DNAJC7: variants seen among roughly 807,000 people sequenced by gnomAD.
DNAJC7 encodes the protein DnaJ heat shock protein family (Hsp40) member C7.
A neutral mutation model predicts 67.4 loss-of-function variants in DNAJC7; 18 were observed. That is an observed-to-expected ratio of 0.27 (90% confidence interval 0.18 to 0.40). The LOEUF is 0.40. DNAJC7 is among the 10% of genes least tolerant of loss of function. The pLI is 1.00. For synonymous variants in DNAJC7, 220 were observed against 207.8 expected (o/e 1.06, Z -0.50); for missense variants, 419 against 613.8 (o/e 0.68, Z 3.35).
At chr17:41,983,332 C>T (rs2051298626) in intron 10 of DNAJC7, among the ~76,000 whole-genome samples, 2 of 152,086 alleles carry the variant, frequency 1.3e-5, no homozygotes, top group African/African-American at 4.8e-5. Flanking sequence ...CCATGTTGGC[C>T]AGTCTGGTCT....
intron 1 of DNAJC7, among the ~76,000 whole-genome samples, chr17:42,002,554 T>C (rs1283881847): frequency 6.6e-6 from 1 of 152,200 alleles, no homozygotes; most frequent in African/African-American, 2.4e-5. Flanking sequence ...GTACTTTCCA[T>C]ACAGTATCCT....
intron 9 of DNAJC7, chr17:41,984,571 T>C (rs2143138150): frequency 6.6e-6 from 1 of 151,616 alleles, no homozygotes; most frequent in African/African-American, 2.4e-5. Context: ...CCTCCCAGAG[T>C]GTTGGGATTA....
intron 1 of DNAJC7, chr17:42,003,553 T>G (rs782268381): frequency 2.6e-5 from 4 of 152,050 alleles, no homozygotes; most frequent in Admixed American, 6.6e-5. Flanking sequence ...GTCAAAGGCG[T>G]GGGACTGGAA....
In DNAJC7 at chr17:41,976,632, A is replaced by G. The variant is rs2051087720; in HGVS notation, c.*101T>C. ...CAACTGAGAAAACGAAACTGCTCTA[A>G]GCACACGGAGACGTGATGAAGGGAG... On this transcript the variant is annotated 3_prime_UTR_variant, in exon 14 of 14. Transcript: ENST00000457167. 2.0e-6 allele frequency: 3 copies of G among 1,492,286 alleles called. No homozygotes were observed. The highest frequency in any genetic ancestry group is 1.7e-4 in the Middle Eastern group (1 of 5,822). 92.4% of individuals were successfully genotyped at this position (1,492,286 alleles called of 1,614,324 possible). A position where few individuals can be genotyped will look rare whatever the true frequency, so the allele number is the denominator to read the frequency against.
At chr17:42,004,344 T>C (rs1359183759) in intron 1 of DNAJC7, among the ~76,000 whole-genome samples, 16 of 152,212 alleles carry the variant, frequency 1.1e-4, no homozygotes, top group Non-Finnish European at 1.5e-4. Flanking sequence ...GCAACCAAGA[T>C]GGCTGCACAG....
chr17:41,996,203 G>T, intron 4 of DNAJC7, 108 bp downstream of exon 4: 1 of 1,052,282 alleles, frequency 9.5e-7, no homozygotes, highest in Non-Finnish European at 1.4e-6. Flanking sequence ...TCACCCAGGT[G>T]TGCTGATGGC....
chr17:41,983,289 A>G (rs2051297019), intron 10 of DNAJC7, among the ~76,000 whole-genome samples: 1 of 151,794 alleles, frequency 6.6e-6, no homozygotes, highest in Non-Finnish European at 1.5e-5. Context: ...CATACCCACA[A>G]TTTTTTGTAT....
At chr17:41,978,859 G>A (rs767551420) in intron 12 of DNAJC7, among the ~76,000 whole-genome samples, 4 of 152,140 alleles carry the variant, frequency 2.6e-5, no homozygotes, top group South Asian at 2.1e-4. Flanking sequence ...CAGCCTGGGC[G>A]ACAGAGTGAG....
At chr17:41,978,479 A>G (rs2051150379) in intron 12 of DNAJC7, among the ~76,000 whole-genome samples, 1 of 152,006 alleles carries the variant, frequency 6.6e-6, no homozygotes. Flanking sequence ...TTCCATCTCC[A>G]TTCTCCTTAC....
In DNAJC7 at chr17:41,997,131, T is replaced by C; in HGVS notation, c.275A>G (p.Asp92Gly). 6.2e-7 allele frequency: 1 copy of C among 1,613,972 alleles called. No homozygotes were observed. The highest frequency in any genetic ancestry group is 8.5e-7 in the Non-Finnish European group (1 of 1,179,864). ...LGDAQQSVRL[D>G]DSFVRGHLRE... is the part of the protein sequence containing the mutation. ...CATACATACCCGGACAAAACTGTCATCCAACCTCACTGACTGTTGTGCATC... is the reference window on the plus strand; with the variant it reads ...CATACATACCCGGACAAAACTGTCACCCAACCTCACTGACTGTTGTGCATC... Residue 92 changes from aspartate (D) to glycine (G), a missense_variant, in exon 3 of 14, where the codon GAT becomes GGT. Asp to Gly is a moderately conservative substitution (Grantham distance 94). Transcript: ENST00000457167.
chr17:41,990,995 G>A (rs1042890447), intron 5 of DNAJC7, among the ~76,000 whole-genome samples: 15 of 152,120 alleles, frequency 9.9e-5, no homozygotes, highest in African/African-American at 3.1e-4. Context: ...CTCTAAATAG[G>A]CTACATCAGA....
chr17:41,977,116 A>G, intron 13 of DNAJC7, 145 bp downstream of exon 13: 1 of 851,304 alleles, frequency 1.2e-6, no homozygotes, highest in Non-Finnish European at 1.8e-6. Context: ...ATCCTTAGCA[A>G]CAGCCGAGTG....
chr17:42,017,280 G>A (rs1402828928), intron 1 of DNAJC7, 60 bp downstream of exon 1: 25 of 1,606,634 alleles, frequency 1.6e-5, no homozygotes, highest in Non-Finnish European at 2.0e-5. Flanking sequence ...TGGCAGGAAC[G>A]AGTTTCCCTG....
At chr17:42,003,312 G>C (rs1253979725) in intron 1 of DNAJC7, 1 of 152,164 alleles carries the variant, frequency 6.6e-6, no homozygotes, top group Non-Finnish European at 1.5e-5. Context: ...CCTTCATTTT[G>C]AACCTCCCCA....
intron 1 of DNAJC7, among the ~76,000 whole-genome samples, chr17:42,007,280 T>C (rs138170938): frequency 5.9e-5 from 9 of 152,254 alleles, no homozygotes; most frequent in African/African-American, 1.9e-4. Flanking sequence ...TCAAACTTAC[T>C]AGTTGCCTGT....
chr17:42,007,777 C>T (rs1335319840), intron 1 of DNAJC7, among the ~76,000 whole-genome samples: 1 of 150,932 alleles, frequency 6.6e-6, no homozygotes, highest in East Asian at 1.9e-4. Context: ...ACCTCCTCAG[C>T]CTCCCAAAGT....
At chr17:42,016,985 G>C in intron 1 of DNAJC7, 2 of 1,248,182 alleles carry the variant, frequency 1.6e-6, no homozygotes, top group South Asian at 3.2e-5. Flanking sequence ...AAGAGAACGC[G>C]GGGGTCGGGG....
At chr17:41,982,899 G>A (rs781802301) in intron 10 of DNAJC7, among the ~76,000 whole-genome samples, 1 of 151,628 alleles carries the variant, frequency 6.6e-6, no homozygotes, top group African/African-American at 2.4e-5. Flanking sequence ...GGCAAAGGTT[G>A]TAGTGAGCTA....
chr17:41,987,891 G>T lies in DNAJC7; in HGVS notation c.938C>A (p.Ala313Glu). 1 of 1,611,336 alleles carries T rather than the reference G, an allele frequency of 6.2e-7. No homozygotes were observed. The highest frequency in any genetic ancestry group is 8.5e-7 in the Non-Finnish European group (1 of 1,178,888). Residue 313 changes from alanine to glutamate, a missense_variant, in exon 9 of 14, where the codon GCA (alanine) becomes GAA (glutamate). Physicochemically the swap from Ala to Glu is moderately radical, Grantham distance 107 (BLOSUM62 -1). This residue lies in a region of DNAJC7 where 161 missense variants were observed against 252.2 expected (regional missense o/e 0.64). Coordinates refer to ENST00000457167, the MANE Select transcript of DNAJC7 (RefSeq NM_003315.4). ...CACTGCATTTGTGCAGTCTTCTATT[G>T]CATCATCTAGTTTCCTAAGCTTCAG... ...VNSKLRKLDD[A>E]IEDCTNAVKL...
Sources: allele counts gnomAD v4.1 joint callset (sites outside exome capture counted in the v4.1 genomes callset), GRCh38; gene constraint gnomAD v4.1.1; regional missense constraint gnomAD v4.1.1; transcripts MANE v1.5; gene names NCBI Gene and HGNC (gene_info 2026-07-23, HGNC 2026-07-21).